The following DAP variants were observed in gnomAD, a reference collection of about 807,000 sequenced individuals.
The protein encoded by DAP is death associated protein.
In DAP, 8 loss-of-function variants were observed where a neutral mutation model predicts 13.8. That is an observed-to-expected ratio of 0.58 (90% CI 0.34 to 1.05). The LOEUF (loss-of-function observed/expected upper bound fraction) is 1.05. Ranked by LOEUF, DAP falls within the 50% of genes least tolerant of loss-of-function variation. The pLI is 0.03. For missense variants in DAP, 106 were observed against 133.2 expected (o/e 0.80, Z 1.01); for synonymous variants, 47 against 47.5 (o/e 0.99, Z 0.04).
chr5:10,704,807 A>G (rs909338602), intron 2 of DAP, among the ~76,000 whole-genome samples: 8 of 152,098 alleles, frequency 5.3e-5, no homozygotes, highest in African/African-American at 1.7e-4. Flanking sequence ...CAGGGCCAGG[A>G]GCCCACAAGC....
chr5:10,716,349 T>C (rs1009764493), intron 2 of DAP, among the ~76,000 whole-genome samples: 1 of 152,008 alleles, frequency 6.6e-6, no homozygotes, highest in African/African-American at 2.4e-5. Flanking sequence ...TAAGAAAAAA[T>C]AATATTTTTT....
intron 2 of DAP, among the ~76,000 whole-genome samples, chr5:10,745,627 CAGAA>C (rs1449200842): frequency 4.6e-5 from 7 of 152,094 alleles, no homozygotes; most frequent in Non-Finnish European, 7.4e-5. Context: ...AAAAAATCAA[CAGAA>C]AGAAAACTAG....
intron 2 of DAP, among the ~76,000 whole-genome samples, chr5:10,735,670 G>A (rs1241727664): frequency 6.6e-6 from 1 of 152,198 alleles, no homozygotes; most frequent in Non-Finnish European, 1.5e-5. Flanking sequence ...ACTGTACACA[G>A]CATGCCCTTG....
Position 10,741,248 on chromosome 5 carries a change from G to A in DAP, c.152+6927C>T, listed in dbSNP as rs116508470. 3.1e-3 allele frequency among the ~76,000 whole-genome samples: 474 copies of A among 152,298 alleles called. 1 individual carries two copies. Among genetic ancestry groups the A allele is most frequent in the African/African-American group, 0.01 (430 of 41,560 alleles). On this transcript the variant is annotated intron_variant, in intron 2 of 3. Transcript: ENST00000230895. Reference sequence around the variant, plus strand: ...TACACCTCTAGTCCTAGCTACTTGCGAGGCAGAGGTGGGAGGACTGCTTGA... The same window carrying A: ...TACACCTCTAGTCCTAGCTACTTGCAAGGCAGAGGTGGGAGGACTGCTTGA...
At chr5:10,732,372 G>C (rs565567330) in intron 2 of DAP, among the ~76,000 whole-genome samples, 1 of 152,198 alleles carries the variant, frequency 6.6e-6, no homozygotes, top group African/African-American at 2.4e-5. Flanking sequence ...CTCAGCCCCT[G>C]GCAATCAGTC....
At chr5:10,689,657 C>A (rs1447588646) in intron 2 of DAP, among the ~76,000 whole-genome samples, 2 of 152,182 alleles carry the variant, frequency 1.3e-5, no homozygotes, top group African/African-American at 2.4e-5. Context: ...GTGAGGCCCA[C>A]CGGGTGTGGC....
At chr5:10,733,184 GTGTGTGTGTGTGTGTGTGTGTGTA>G (rs1246215358) in intron 2 of DAP, among the ~76,000 whole-genome samples, 28 of 126,188 alleles carry the variant, frequency 2.2e-4, no homozygotes, top group Non-Finnish European at 4.2e-4. Flanking sequence ...GTGTGTGTGT[GTGTGTGTGTGTGTGTGTGTGTGTA>G]TACCCTACAT....
rs5745241 is a variant in DAP, at chr5:10,710,600, C to A, written c.153-27029G>T. On this transcript the variant is annotated intron_variant, in intron 2 of 3. Coordinates refer to ENST00000230895, the MANE Select transcript of DAP (RefSeq NM_004394.3). Reference sequence around the variant, plus strand: ...GTGCTCTGGAGGGTGCAGAGGAAGGCACGAGGGTCCACACCAATGGACGGG... The same window carrying A: ...GTGCTCTGGAGGGTGCAGAGGAAGGAACGAGGGTCCACACCAATGGACGGG... Among the ~76,000 whole-genome samples the A allele has an allele frequency of 2.4e-3, 365 of 152,288 alleles. 1 individual carries two copies. The highest frequency in any genetic ancestry group is 0.01 in the Admixed American group (158 of 15,298).
At chr5:10,702,934 C>A (rs762672306) in intron 2 of DAP, among the ~76,000 whole-genome samples, 2 of 152,148 alleles carry the variant, frequency 1.3e-5, no homozygotes, top group African/African-American at 4.8e-5. Context: ...AGATGTGCAC[C>A]CTTACCCTGA....
intron 2 of DAP, among the ~76,000 whole-genome samples, chr5:10,710,442 C>T (rs1314690687): frequency 6.6e-6 from 1 of 152,218 alleles, no homozygotes; most frequent in Non-Finnish European, 1.5e-5. Flanking sequence ...GGAAACGTGT[C>T]CACAGCCCCA....
intron 1 of DAP, among the ~76,000 whole-genome samples, chr5:10,758,823 A>G (rs1246161232): frequency 6.6e-6 from 1 of 152,252 alleles, no homozygotes; most frequent in Non-Finnish European, 1.5e-5. Flanking sequence ...TCTGTAATTC[A>G]CAAAGCCTAG....
intron 2 of DAP, among the ~76,000 whole-genome samples, chr5:10,723,266 A>G (rs1307854377): frequency 6.6e-6 from 1 of 152,282 alleles, no homozygotes; most frequent in Non-Finnish European, 1.5e-5. Context: ...TCAAAAAATT[A>G]GAACATAAGA....
intron 2 of DAP, among the ~76,000 whole-genome samples, chr5:10,744,874 G>C (rs1739862002): frequency 1.3e-5 from 2 of 152,154 alleles, no homozygotes; most frequent in Admixed American, 6.5e-5. Context: ...CACCAGCACT[G>C]GAATGCTGGC....
intron 1 of DAP, among the ~76,000 whole-genome samples, chr5:10,760,474 T>C (rs992074206): frequency 1.3e-5 from 2 of 151,144 alleles, no homozygotes; most frequent in South Asian, 4.2e-4. Context: ...AAAAGCAACT[T>C]TGGGGGAAAA....
chr5:10,759,773 T>TG (rs1303801612), intron 1 of DAP, among the ~76,000 whole-genome samples: 2 of 101,000 alleles, frequency 2.0e-5, no homozygotes, highest in Admixed American at 2.9e-4. Flanking sequence ...TTTTTTGAGA[T>TG]GGAGTCTCGC....
intron 2 of DAP, among the ~76,000 whole-genome samples, chr5:10,691,376 ATTAT>A (rs1738304112): frequency 6.6e-6 from 1 of 152,260 alleles, no homozygotes; most frequent in Non-Finnish European, 1.5e-5. Context: ...TTGGCAAATA[ATTAT>A]TTATGACGTT....
chr5:10,735,919 C>T (rs1739598879), intron 2 of DAP, among the ~76,000 whole-genome samples: 1 of 152,156 alleles, frequency 6.6e-6, no homozygotes, highest in Non-Finnish European at 1.5e-5. Flanking sequence ...ATCCTAGGCT[C>T]CAGTACTTAA....
intron 2 of DAP, among the ~76,000 whole-genome samples, chr5:10,706,042 C>T (rs975012638): frequency 2.0e-5 from 3 of 152,174 alleles, no homozygotes; most frequent in Non-Finnish European, 4.4e-5. Context: ...TAGCTCACAT[C>T]GGCATTTGCA....
intron 2 of DAP, among the ~76,000 whole-genome samples, chr5:10,721,265 C>A (rs1414100270): frequency 2.0e-5 from 3 of 152,200 alleles, no homozygotes; most frequent in African/African-American, 7.2e-5. Flanking sequence ...CTCACCATCA[C>A]CCCTAATGAT....
Sources: allele counts gnomAD v4.1 joint callset (sites outside exome capture counted in the v4.1 genomes callset), GRCh38; gene constraint gnomAD v4.1.1; transcripts MANE v1.5; gene names NCBI Gene and HGNC (gene_info 2026-07-23, HGNC 2026-07-21).